Variants in STK39 observed in about 807,000 individuals in gnomAD.
STK39 encodes STE20/SPS1-related proline-alanine-rich protein kinase.
A neutral mutation model predicts 77.8 loss-of-function variants in STK39; 20 were observed. The observed-to-expected ratio is 0.26, with a 90% CI of 0.18 to 0.37. STK39 has a LOEUF of 0.37. STK39 is among the 10% of genes least tolerant of loss of function. The pLI, the probability that STK39 is intolerant of heterozygous loss-of-function variation, is 1.00. For missense variants in STK39, 479 were observed against 656.5 expected, an observed-to-expected ratio of 0.73 and a Z score of 2.95; for synonymous variants, 246 against 234.1, an observed-to-expected ratio of 1.05 and a Z score of -0.47.
intron 5 of STK39, among the ~76,000 whole-genome samples, chr2:168,150,888 T>C (rs968698901): frequency 5.9e-5 from 9 of 152,040 alleles, no homozygotes; most frequent in African/African-American, 1.4e-4. Context: ...AGAGGAACCA[T>C]GTAGAACCAA....
intron 2 of STK39, among the ~76,000 whole-genome samples, chr2:168,172,660 G>A (rs907197448): frequency 1.3e-5 from 2 of 150,238 alleles, no homozygotes; most frequent in African/African-American, 4.9e-5. Context: ...AGAGATTTTT[G>A]TTACTGAAAG....
chr2:168,226,034 G>T (rs1333833643), intron 1 of STK39, among the ~76,000 whole-genome samples: 1 of 152,206 alleles, frequency 6.6e-6, no homozygotes, highest in African/African-American at 2.4e-5. Flanking sequence ...TGGGCCATAA[G>T]GAGCTATGAG....
intron 14 of STK39, among the ~76,000 whole-genome samples, chr2:168,061,362 A>C (rs879567627): frequency 6.6e-6 from 1 of 152,228 alleles, no homozygotes; most frequent in African/African-American, 2.4e-5. Flanking sequence ...CCACATAAAA[A>C]GAGTTACGAG....
intron 10 of STK39, among the ~76,000 whole-genome samples, chr2:168,091,003 C>CCTAT (rs1302530606): frequency 1.3e-5 from 2 of 152,098 alleles, no homozygotes. Context: ...ATATTAACAT[C>CCTAT]CTATCGTGCT....
chr2:168,069,406 T>C (rs1205072480), intron 12 of STK39, among the ~76,000 whole-genome samples: 1 of 152,248 alleles, frequency 6.6e-6, no homozygotes, highest in African/African-American at 2.4e-5. Flanking sequence ...ATTTCCATAA[T>C]TAGCCAAGTC....
chr2:168,177,795 A>G (rs963158029), intron 2 of STK39, among the ~76,000 whole-genome samples: 2 of 152,224 alleles, frequency 1.3e-5, no homozygotes, highest in East Asian at 1.9e-4. Context: ...TTGCAAGACA[A>G]TGGGTCAGAC....
chr2:168,131,794 G>C (rs1326920062), intron 8 of STK39, among the ~76,000 whole-genome samples: 1 of 152,162 alleles, frequency 6.6e-6, no homozygotes, highest in Admixed American at 6.5e-5. Context: ...TCTTTCAAAT[G>C]ATTCAACTTT....
chr2:167,989,774 G>A lies in STK39; in HGVS notation c.1498+22860C>T, dbSNP rs185792893. 3.3e-4 allele frequency among the ~76,000 whole-genome samples: 50 copies of A among 152,018 alleles called. 1 individual carries two copies. The highest frequency in any genetic ancestry group is 2.1e-3 in the East Asian group (11 of 5,184). On this transcript the variant is annotated intron_variant, in intron 16 of 17. Coordinates refer to ENST00000355999, the MANE Select transcript of STK39 (RefSeq NM_013233.3). Reference sequence around the variant, plus strand: ...TTTATGTTATACACATTATAGACAGGAAATTTTAAAAATTGCAGGAAATTC... The same window carrying A: ...TTTATGTTATACACATTATAGACAGAAAATTTTAAAAATTGCAGGAAATTC...
At chr2:167,966,471 A>C (rs1277625800) in intron 16 of STK39, among the ~76,000 whole-genome samples, 2 of 152,204 alleles carry the variant, frequency 1.3e-5, no homozygotes, top group African/African-American at 4.8e-5. Flanking sequence ...CTTCGTATAA[A>C]TTTCAGTCCT....
chr2:168,218,819 A>G (rs1325538010), intron 1 of STK39, among the ~76,000 whole-genome samples: 1 of 152,256 alleles, frequency 6.6e-6, no homozygotes. Context: ...AGGAGAATCA[A>G]AAGATTGACA....
intron 14 of STK39, among the ~76,000 whole-genome samples, chr2:168,034,855 T>C (rs1013387592): frequency 6.6e-6 from 1 of 152,212 alleles, no homozygotes; most frequent in Non-Finnish European, 1.5e-5. Flanking sequence ...AGAGCACTAA[T>C]AGGATTTCCC....
chr2:168,085,873 A>G (rs1686353142), intron 10 of STK39, among the ~76,000 whole-genome samples: 1 of 152,176 alleles, frequency 6.6e-6, no homozygotes, highest in Admixed American at 6.5e-5. Flanking sequence ...AGGTGATGCA[A>G]CATCTATCTT....
At chr2:167,966,496 A>G (rs577548456) in intron 16 of STK39, among the ~76,000 whole-genome samples, 1 of 152,304 alleles carries the variant, frequency 6.6e-6, no homozygotes, top group African/African-American at 2.4e-5. Flanking sequence ...TTAGTTTCTC[A>G]GTTAATGTGG....
chr2:167,986,144 A>G (rs997445007), intron 16 of STK39, among the ~76,000 whole-genome samples: 1 of 152,244 alleles, frequency 6.6e-6, no homozygotes, highest in Non-Finnish European at 1.5e-5. Flanking sequence ...AAGCAGAGAC[A>G]ATCTTAAACA....
chr2:168,093,016 G>A (rs994930724), intron 10 of STK39, among the ~76,000 whole-genome samples: 1 of 152,152 alleles, frequency 6.6e-6, no homozygotes, highest in Non-Finnish European at 1.5e-5. Context: ...TTGCAGACAT[G>A]CATATTGGTC....
At chr2:168,220,859 C>A (rs1192406557) in intron 1 of STK39, among the ~76,000 whole-genome samples, 1 of 152,134 alleles carries the variant, frequency 6.6e-6, no homozygotes, top group Admixed American at 6.5e-5. Context: ...TCAATTAAAT[C>A]TAGGCTGCAT....
chr2:168,143,948 C>T (rs914301390), intron 5 of STK39, among the ~76,000 whole-genome samples: 4 of 152,162 alleles, frequency 2.6e-5, no homozygotes, highest in African/African-American at 7.2e-5. Flanking sequence ...AACAGGTGCA[C>T]CAGCAGAAGG....
intron 1 of STK39, among the ~76,000 whole-genome samples, chr2:168,217,135 C>T (rs1399138325): frequency 6.6e-6 from 1 of 152,188 alleles, no homozygotes; most frequent in Non-Finnish European, 1.5e-5. Context: ...TGCAGCTCTA[C>T]CTGTGTCTTC....
In STK39 at chr2:168,029,471, C is replaced by T. The variant is rs114914079; in HGVS notation, c.1377-12376G>A. ...AATGTCTTCAACCATATGGTGCAAA[C>T]GATGAAAGTTTTTTTCTCCCAGGTG... On this transcript the variant is annotated intron_variant, in intron 14 of 17. Transcript: ENST00000355999. 6.9e-3 allele frequency among the ~76,000 whole-genome samples: 1,055 copies of T among 152,198 alleles called. 23 individuals are homozygous for T. Among genetic ancestry groups the T allele is most frequent in the African/African-American group, 0.024 (1,004 of 41,532 alleles).
Sources: allele counts gnomAD v4.1 joint callset (sites outside exome capture counted in the v4.1 genomes callset), GRCh38; gene constraint gnomAD v4.1.1; transcripts MANE v1.5; gene names NCBI Gene and HGNC (gene_info 2026-07-23, HGNC 2026-07-21).